Variants in ATP2C1 observed in about 807,000 individuals in gnomAD.
ATP2C1 encodes calcium-transporting ATPase type 2C member 1.
In ATP2C1, 31 loss-of-function variants were observed where a neutral mutation model predicts 120.5. That is an observed-to-expected ratio of 0.26 (90% CI 0.19 to 0.35). ATP2C1 has a LOEUF of 0.35. ATP2C1 is among the 10% of genes least tolerant of loss of function. The pLI, the probability that ATP2C1 is intolerant of heterozygous loss-of-function variation, is 1.00. For missense variants in ATP2C1, 731 were observed against 1,107.5 expected (o/e 0.66, Z 4.83); for synonymous variants, 351 against 358.7 (o/e 0.98, Z 0.24).
intron 1 of ATP2C1, among the ~76,000 whole-genome samples, chr3:130,854,801 T>G (rs939706456): frequency 3.0e-4 from 45 of 152,326 alleles, no homozygotes; most frequent in African/African-American, 1.0e-3. Context: ...AGTTCTTCTA[T>G]TCCCATGGTT....
chr3:130,931,881 C>A, intron 3 of ATP2C1, 141 bp from the exon 4 acceptor site: 1 of 652,310 alleles, frequency 1.5e-6, no homozygotes, highest in Non-Finnish European at 2.8e-6. Flanking sequence ...CAGGCAACCA[C>A]TGATAGGTTG....
At chr3:130,921,488 A>C (rs1305971338) in intron 2 of ATP2C1, among the ~76,000 whole-genome samples, 3 of 152,148 alleles carry the variant, frequency 2.0e-5, no homozygotes, top group Non-Finnish European at 4.4e-5. Context: ...TTCCAGTACT[A>C]TGTTGAACTG....
At chr3:130,851,057 G>GT in intron 1 of ATP2C1, 3 of 435,172 alleles carry the variant, frequency 6.9e-6, no homozygotes, top group Non-Finnish European at 1.1e-5. Flanking sequence ...GCTTGTGGCT[G>GT]TTCAGACTTG....
In ATP2C1 at chr3:131,001,866, C is replaced by CA. The variant is rs1255173803; in HGVS notation, c.*517dup. 1.0e-6 allele frequency: 1 copy of CA among 985,706 alleles called. No homozygotes were observed. Among genetic ancestry groups the CA allele is most frequent in the African/African-American group, 1.7e-5 (1 of 57,198 alleles). The allele number at this position is 985,706 out of a possible 1,614,324, so 61.1% of individuals were successfully genotyped here. The stretch of plus-strand genomic sequence containing the variant: ...CTTGTAATGTAAGCAGCTCAGATAC[C>CA]ATGTGCTATCATTTTTGTATCAAGT... On this transcript the variant is annotated 3_prime_UTR_variant, in exon 28 of 28. Transcript: ENST00000510168.
chr3:130,938,881 C>T (rs996706525), intron 6 of ATP2C1, among the ~76,000 whole-genome samples: 1 of 152,100 alleles, frequency 6.6e-6, no homozygotes, highest in Admixed American at 6.6e-5. Context: ...CTAGAAAGCC[C>T]ATGTTTTCAA....
chr3:130,867,609 T>G (rs989705466), intron 1 of ATP2C1, among the ~76,000 whole-genome samples: 2 of 151,448 alleles, frequency 1.3e-5, no homozygotes, highest in Non-Finnish European at 2.9e-5. Context: ...GTGCCCAGGC[T>G]GGAGTGCAGT....
chr3:130,872,526 A>G (rs572252143), intron 1 of ATP2C1, among the ~76,000 whole-genome samples: 24 of 151,494 alleles, frequency 1.6e-4, no homozygotes, highest in African/African-American at 3.6e-4. Flanking sequence ...TACCAGTACT[A>G]TGCCTATCTG....
At chr3:130,948,344 C>T (rs1295235942) in intron 8 of ATP2C1, among the ~76,000 whole-genome samples, 1 of 150,222 alleles carries the variant, frequency 6.7e-6, no homozygotes, top group Non-Finnish European at 1.5e-5. Context: ...TATTGGTTGA[C>T]AGTTTTTTTT....
chr3:131,010,997 T>G (rs2063298087), intron 26 of ATP2C1, among the ~76,000 whole-genome samples: 1 of 152,222 alleles, frequency 6.6e-6, no homozygotes, highest in South Asian at 2.1e-4. Flanking sequence ...ATTGTATCTT[T>G]TACACAATAA....
intron 16 of ATP2C1, among the ~76,000 whole-genome samples, chr3:130,967,625 A>G (rs1281864870): frequency 6.6e-6 from 1 of 152,176 alleles, no homozygotes; most frequent in African/African-American, 2.4e-5. Context: ...TATTGTTCAC[A>G]TGCAAGTTAC....
At chr3:130,940,565 A>T (rs2059847952) in intron 6 of ATP2C1, 65 bp from the exon 7 acceptor site, 4 of 1,040,206 alleles carry the variant, frequency 3.8e-6, no homozygotes, top group South Asian at 2.6e-5. Flanking sequence ...GATTGAGATT[A>T]ATAAGTCTAA....
intron 2 of ATP2C1, among the ~76,000 whole-genome samples, chr3:130,913,937 G>C (rs1026213194): frequency 6.6e-6 from 1 of 152,018 alleles, no homozygotes; most frequent in Non-Finnish European, 1.5e-5. Flanking sequence ...ATCTAAAAAA[G>C]TAGTAAAAAT....
intron 12 of ATP2C1, among the ~76,000 whole-genome samples, chr3:130,962,332 G>A (rs1576898387): frequency 6.6e-6 from 1 of 151,972 alleles, no homozygotes; most frequent in Non-Finnish European, 1.5e-5. Flanking sequence ...ACAATTGGGA[G>A]CCATCAGTGG....
intron 18 of ATP2C1, among the ~76,000 whole-genome samples, chr3:130,976,735 A>G (rs2061541534): frequency 6.6e-6 from 1 of 152,154 alleles, no homozygotes; most frequent in Admixed American, 6.5e-5. Flanking sequence ...CCTGAAGCCA[A>G]GGCAGATTCT....
chr3:130,855,757 A>C (rs1056326082), intron 1 of ATP2C1: 1 of 152,240 alleles, frequency 6.6e-6, no homozygotes, highest in Non-Finnish European at 1.5e-5. Flanking sequence ...TCAATAACAA[A>C]TAAGACGTTT....
At position 130,862,371 on chromosome 3, in the gene ATP2C1, G is replaced by A. The variant is rs2068044490; in HGVS notation, c.108+11443G>A. Among the ~76,000 whole-genome samples the A allele has an allele frequency of 1.1e-4, 17 of 148,682 alleles. No individual in the cohort carries two copies. In the Admixed American group the frequency reaches 1.1e-3, roughly 10 times the overall value. The stretch of plus-strand genomic sequence containing the variant: ...ATTTATTTATTTTTAGTAAGAGACA[G>A]GGTTTCAGCATGTTGGCCAGCGTGG... On this transcript the variant is annotated intron_variant, in intron 1 of 26. Coordinates refer to the ATP2C1 transcript ENST00000504381.
intron 26 of ATP2C1, among the ~76,000 whole-genome samples, chr3:131,008,235 C>T (rs2063189508): frequency 1.3e-5 from 2 of 151,974 alleles, no homozygotes; most frequent in Non-Finnish European, 2.9e-5. Context: ...GCCAGGAGTT[C>T]GAGACCAGTC....
chr3:130,867,247 AAG>A, intron 1 of ATP2C1, among the ~76,000 whole-genome samples: 1 of 152,268 alleles, frequency 6.6e-6, no homozygotes, highest in East Asian at 1.9e-4. Flanking sequence ...GTTCCAGTGA[AAG>A]AAAGAGTCAT....
chr3:130,929,945 G>C, intron 2 of ATP2C1: 1 of 239,514 alleles, frequency 4.2e-6, no homozygotes, highest in Non-Finnish European at 8.2e-6. Flanking sequence ...TTGTTGTCAT[G>C]GTGCGTTGAA....
Sources: allele counts gnomAD v4.1 joint callset (sites outside exome capture counted in the v4.1 genomes callset), GRCh38; gene constraint gnomAD v4.1.1; transcripts MANE v1.5; gene names NCBI Gene and HGNC (gene_info 2026-07-23, HGNC 2026-07-21).